HS6ST3: variants seen among roughly 807,000 people sequenced by gnomAD.
HS6ST3 encodes the protein heparan-sulfate 6-O-sulfotransferase 3.
HS6ST3 carries 12 observed loss-of-function variants against 36.7 expected under a neutral mutation model. The ratio of observed to expected loss-of-function variants is 0.33; its 90% CI spans 0.21 to 0.53. The LOEUF is 0.53. Among genes scored for constraint, HS6ST3 ranks in the 20% least tolerant of loss-of-function variants. The pLI is 0.95. For missense variants in HS6ST3, 584 were observed against 640.9 expected, an observed-to-expected ratio of 0.91 and a Z score of 0.96; for synonymous variants, 240 against 257.5, an observed-to-expected ratio of 0.93 and a Z score of 0.65.
chr13:96,536,085 G>A lies in HS6ST3; in HGVS notation c.708-296405G>A, dbSNP rs150798741. Among the ~76,000 whole-genome samples, 348 of 152,176 alleles carry A rather than the reference G, an allele frequency of 2.3e-3. 3 individuals carry two copies. The highest frequency in any genetic ancestry group is 7.6e-3 in the African/African-American group (316 of 41,502). ...TAACTCCCCTGGAAAAATTATGATGGGCCCTTATGTGTACCCCCATGCTTA... is the reference window on the plus strand; with the variant it reads ...TAACTCCCCTGGAAAAATTATGATGAGCCCTTATGTGTACCCCCATGCTTA... On this transcript the variant is annotated intron_variant, in intron 1 of 1. Transcript: ENST00000376705.
chr13:96,502,632 G>A (rs551624085), intron 1 of HS6ST3, among the ~76,000 whole-genome samples: 25 of 152,194 alleles, frequency 1.6e-4, no homozygotes, highest in African/African-American at 5.3e-4. Flanking sequence ...ACAATATCCC[G>A]AAGTAAGAAT....
intron 1 of HS6ST3, among the ~76,000 whole-genome samples, chr13:96,501,125 G>T (rs1375163566): frequency 6.6e-6 from 1 of 152,152 alleles, no homozygotes; most frequent in Non-Finnish European, 1.5e-5. Context: ...AAGAGGAAGA[G>T]AGAAAGATCT....
In HS6ST3 at chr13:96,090,804, C is replaced by G. The variant is rs1188382224; in HGVS notation, c.-59C>G. ...AGTCCGCGAAACTTCCGAGCGGGCGCCCGTCCGCCCTGCCGCCGCCGCCGC... is the reference window on the plus strand; with the variant it reads ...AGTCCGCGAAACTTCCGAGCGGGCGGCCGTCCGCCCTGCCGCCGCCGCCGC... On this transcript the variant is annotated 5_prime_UTR_variant, in exon 1 of 2. Coordinates refer to ENST00000376705, the MANE Select transcript of HS6ST3 (RefSeq NM_153456.4). 1 of 1,388,350 alleles carries G rather than the reference C, an allele frequency of 7.2e-7. No homozygotes were observed. Among genetic ancestry groups the G allele is most frequent in the Non-Finnish European group, 9.4e-7 (1 of 1,062,900 alleles). 86.0% of individuals were successfully genotyped at this position (1,388,350 alleles called of 1,614,324 possible). A position where few individuals can be genotyped will look rare whatever the true frequency, so the allele number is the denominator to read the frequency against.
At chr13:96,242,515 G>C (rs916246056) in intron 1 of HS6ST3, among the ~76,000 whole-genome samples, 4 of 152,108 alleles carry the variant, frequency 2.6e-5, no homozygotes, top group African/African-American at 9.7e-5. Context: ...CACTGTGCCC[G>C]ACCCAAGTCT....
chr13:96,624,814 A>G (rs1430312709), intron 1 of HS6ST3, among the ~76,000 whole-genome samples: 1 of 152,174 alleles, frequency 6.6e-6, no homozygotes, highest in Admixed American at 6.5e-5. Flanking sequence ...CATAAAATAT[A>G]CCATTGAATG....
intron 1 of HS6ST3, among the ~76,000 whole-genome samples, chr13:96,511,738 T>C (rs1160143795): frequency 6.6e-6 from 1 of 152,108 alleles, no homozygotes; most frequent in Non-Finnish European, 1.5e-5. Context: ...TTTAATCAAA[T>C]CCATCAGTGT....
At chr13:96,477,268 A>T (rs2055868753) in intron 1 of HS6ST3, among the ~76,000 whole-genome samples, 1 of 152,192 alleles carries the variant, frequency 6.6e-6, no homozygotes, top group Non-Finnish European at 1.5e-5. Context: ...GGAGACTGGG[A>T]TAATGGAAGA....
intron 1 of HS6ST3, among the ~76,000 whole-genome samples, chr13:96,571,074 G>A (rs2056299365): frequency 6.6e-6 from 1 of 152,182 alleles, no homozygotes; most frequent in African/African-American, 2.4e-5. Flanking sequence ...CTAGGGTAGA[G>A]ATGTGCATGG....
intron 1 of HS6ST3, among the ~76,000 whole-genome samples, chr13:96,317,351 TATA>T (rs2054977635): frequency 1.1e-4 from 3 of 26,900 alleles, no homozygotes; most frequent in East Asian, 1.3e-3. Flanking sequence ...TATATATATA[TATA>T]TATATATATA....
chr13:96,814,699 G>T (rs1878384329), intron 1 of HS6ST3, among the ~76,000 whole-genome samples: 1 of 151,220 alleles, frequency 6.6e-6, no homozygotes, highest in Non-Finnish European at 1.5e-5. Context: ...CTCATATTTT[G>T]CATGTCTTTC....
rs753181449 is a variant in HS6ST3, at chr13:96,832,957, G to A, written c.1175G>A (p.Gly392Asp). The A allele has an allele frequency of 1.2e-6, 2 of 1,614,036 alleles. No individual in the cohort carries two copies. The highest frequency in any genetic ancestry group is 4.5e-5 in the East Asian group (2 of 44,870). The change falls in exon 2 of 2, where the codon GGT (glycine) becomes GAT (aspartate). Residue 392 changes from glycine to aspartate, a missense_variant. Physicochemically the swap from Gly to Asp is moderately conservative, Grantham distance 94 (BLOSUM62 -1). Around this residue, in one of 3 missense-constraint regions of HS6ST3, gnomAD observed 360 missense variants for 411.3 expected, o/e 0.88. Transcript: ENST00000376705. ...TRASNVEINEGARQRIEDLNF... is the reference protein window; with the variant it reads ...TRASNVEINEDARQRIEDLNF... ...GCTTCTAACGTGGAGATCAACGAGGGTGCCCGCCAACGCATTGAGGATCTA... is the reference window on the plus strand; with the variant it reads ...GCTTCTAACGTGGAGATCAACGAGGATGCCCGCCAACGCATTGAGGATCTA...
At chr13:96,686,836 A>G (rs186778592) in intron 1 of HS6ST3, among the ~76,000 whole-genome samples, 23 of 152,194 alleles carry the variant, frequency 1.5e-4, no homozygotes, top group Middle Eastern at 3.4e-3. Flanking sequence ...ATTCATAGCC[A>G]TAGGTAACAG....
At chr13:96,715,247 T>C (rs896689103) in intron 1 of HS6ST3, among the ~76,000 whole-genome samples, 12 of 152,118 alleles carry the variant, frequency 7.9e-5, no homozygotes, top group Admixed American at 1.3e-4. Context: ...ATGTATTTTA[T>C]GGATTTATGC....
At chr13:96,464,946 TCGTG>T (rs2139494364) in intron 1 of HS6ST3, among the ~76,000 whole-genome samples, 1 of 104,822 alleles carries the variant, frequency 9.5e-6, no homozygotes, top group South Asian at 2.9e-4. Context: ...GCAAGATGCT[TCGTG>T]TGTGTGTGTG....
chr13:96,722,546 G>C (rs1409557227), intron 1 of HS6ST3, among the ~76,000 whole-genome samples: 1 of 152,172 alleles, frequency 6.6e-6, no homozygotes. Flanking sequence ...ATGGGTGTTC[G>C]CTTTGGATCC....
In HS6ST3 at chr13:96,835,502, C is replaced by G. The variant is rs1230469167; in HGVS notation, c.*2304C>G. The G allele has an allele frequency of 7.5e-6, 1 of 132,570 alleles. No individual in the cohort carries two copies. Among genetic ancestry groups the G allele is most frequent in the African/African-American group, 3.0e-5 (1 of 33,556 alleles). The allele number at this position is 132,570 out of a possible 1,614,324, so 8.2% of individuals were successfully genotyped here. A position where few individuals can be genotyped will look rare whatever the true frequency, so the allele number is the denominator to read the frequency against. On this transcript the variant is annotated 3_prime_UTR_variant, in exon 2 of 2. Coordinates refer to ENST00000376705, the MANE Select transcript of HS6ST3 (RefSeq NM_153456.4). Reference sequence around the variant, plus strand: ...GAGGATTGCAGCTGGGATTAATGTTCGTCTCTCTCTCTCTCTCTCTCTAGC... The same window carrying G: ...GAGGATTGCAGCTGGGATTAATGTTGGTCTCTCTCTCTCTCTCTCTCTAGC...
intron 1 of HS6ST3, among the ~76,000 whole-genome samples, chr13:96,167,707 C>G (rs566905010): frequency 1.9e-4 from 29 of 152,238 alleles, no homozygotes; most frequent in Non-Finnish European, 3.4e-4. Context: ...TGCAAGTACT[C>G]AAGTGTTTCA....
chr13:96,423,152 T>G (rs1030946326), intron 1 of HS6ST3, among the ~76,000 whole-genome samples: 3 of 152,172 alleles, frequency 2.0e-5, no homozygotes, highest in African/African-American at 7.2e-5. Context: ...AGCTACAAAC[T>G]CTTTTCTCCT....
Position 96,809,972 on chromosome 13 carries a change from G to A in HS6ST3, c.708-22518G>A, listed in dbSNP as rs144645351. On this transcript the variant is annotated intron_variant, in intron 1 of 1. Coordinates refer to ENST00000376705, the MANE Select transcript of HS6ST3 (RefSeq NM_153456.4). ...CTGGTACTGGTACGACAGTGAGATA[G>A]CTGGTACTCAAGAATGCTAGCACCA... is the stretch of plus-strand genomic sequence containing the variant. Among the ~76,000 whole-genome samples, 91 of 152,342 alleles carry A rather than the reference G, an allele frequency of 6.0e-4. 2 individuals are homozygous for A. The highest frequency in any genetic ancestry group is 2.1e-3 in the African/African-American group (88 of 41,580).
Sources: gnomAD v4.1 joint callset for allele counts (sites outside exome capture counted in the v4.1 genomes callset) on GRCh38, gnomAD v4.1.1 for gene constraint, gnomAD v4.1.1 regional missense constraint, MANE v1.5 for transcripts, NCBI Gene and HGNC (gene_info 2026-07-23, HGNC 2026-07-21) for gene names.